The following SLC16A12 variants were observed in gnomAD, a reference collection of about 807,000 sequenced individuals.
SLC16A12 encodes the protein monocarboxylate transporter 12.
A neutral mutation model predicts 42.4 loss-of-function variants in SLC16A12; 17 were observed. The observed-to-expected ratio is 0.40, with a 90% CI of 0.27 to 0.60. The LOEUF is 0.60. Ranked by LOEUF, SLC16A12 falls within the 20% of genes least tolerant of loss-of-function variation. The probability of loss-of-function intolerance (pLI) is 0.42; values close to 1 mark genes in which losing one functional copy is unlikely to be tolerated. For synonymous variants in SLC16A12, 224 were observed against 229.4 expected (o/e 0.98, Z 0.21); for missense variants, 544 against 623.0 (o/e 0.87, Z 1.35).
chr10:89,550,940 T>C (rs1843766937), intron 2 of SLC16A12, among the ~76,000 whole-genome samples: 1 of 152,220 alleles, frequency 6.6e-6, no homozygotes, highest in African/African-American at 2.4e-5. Flanking sequence ...TCCATCATGT[T>C]TACCATTGTA....
intron 3 of SLC16A12, among the ~76,000 whole-genome samples, chr10:89,447,024 A>T (rs1842015302): frequency 6.6e-6 from 1 of 152,210 alleles, no homozygotes; most frequent in African/African-American, 2.4e-5. Flanking sequence ...GCCATTACAT[A>T]ATGGTAAAGG....
chr10:89,501,825 A>G (rs1478919738), intron 2 of SLC16A12, among the ~76,000 whole-genome samples: 1 of 152,132 alleles, frequency 6.6e-6, no homozygotes, highest in Non-Finnish European at 1.5e-5. Flanking sequence ...AAGTTGTCTC[A>G]TTTGCTCATT....
At chr10:89,512,815 C>A (rs775772169) in intron 2 of SLC16A12, among the ~76,000 whole-genome samples, 2 of 152,136 alleles carry the variant, frequency 1.3e-5, no homozygotes, top group Non-Finnish European at 2.9e-5. Flanking sequence ...GGGGTTGGAA[C>A]CTCTGATTTA....
intron 2 of SLC16A12, chr10:89,467,908 T>A (rs1274015293): frequency 6.6e-6 from 1 of 152,200 alleles, no homozygotes; most frequent in Admixed American, 6.5e-5. Context: ...AGAGGACACA[T>A]TGTAGGCAAC....
chr10:89,445,612 A>G (rs1456516413), intron 3 of SLC16A12, among the ~76,000 whole-genome samples: 2 of 152,204 alleles, frequency 1.3e-5, no homozygotes, highest in African/African-American at 4.8e-5. Context: ...CACTAACATC[A>G]AAGACCAAAG....
Position 89,473,070 on chromosome 10 carries a change from C to T in SLC16A12, c.-46-10446G>A, listed in dbSNP as rs111564409. On this transcript the variant is annotated intron_variant, in intron 2 of 7. Transcript: ENST00000371790. Reference sequence around the variant, plus strand: ...TTGGGCTCAAGCGATTCTCCTGCTTCGGCCTCCCAAAGTGCTGGGATTACA... The same window carrying T: ...TTGGGCTCAAGCGATTCTCCTGCTTTGGCCTCCCAAAGTGCTGGGATTACA... Among the ~76,000 whole-genome samples the T allele has an allele frequency of 6.6e-3, 985 of 149,970 alleles. 10 individuals carry two copies. The highest frequency in any genetic ancestry group is 0.022 in the African/African-American group (913 of 40,890).
At chr10:89,506,022 A>T (rs1370120845) in intron 2 of SLC16A12, among the ~76,000 whole-genome samples, 1 of 152,206 alleles carries the variant, frequency 6.6e-6, no homozygotes, top group Admixed American at 6.5e-5. Context: ...CTGTCTCTCT[A>T]GATTCCACCT....
At chr10:89,469,245 C>T (rs1486475322) in intron 2 of SLC16A12, among the ~76,000 whole-genome samples, 6 of 152,256 alleles carry the variant, frequency 3.9e-5, no homozygotes, top group Middle Eastern at 3.4e-3. Flanking sequence ...ATTCTAGCTT[C>T]GGAAAAATTT....
chr10:89,439,503 A>G lies in SLC16A12; in HGVS notation c.449-320T>C, dbSNP rs556824450. Among the ~76,000 whole-genome samples the G allele has an allele frequency of 2.8e-3, 428 of 152,320 alleles. 2 individuals carry two copies. Among genetic ancestry groups the G allele is most frequent in the African/African-American group, 9.9e-3 (410 of 41,566 alleles). On this transcript the variant is annotated intron_variant, in intron 5 of 7. Transcript: ENST00000371790. ...AAATCTGGATAATGCCAACCAAAGAAACTTATCACTTCCTCCATTTTTTAA... is the reference window on the plus strand; with the variant it reads ...AAATCTGGATAATGCCAACCAAAGAGACTTATCACTTCCTCCATTTTTTAA...
At chr10:89,436,888 G>GAAAGAAAGAA (rs1446064958) in intron 6 of SLC16A12, among the ~76,000 whole-genome samples, 2 of 146,408 alleles carry the variant, frequency 1.4e-5, no homozygotes, top group Non-Finnish European at 3.0e-5. Flanking sequence ...AAGAAAGAAA[G>GAAAGAAAGAA]AAAGAAAGAA....
intron 2 of SLC16A12, among the ~76,000 whole-genome samples, chr10:89,495,849 A>G (rs922269020): frequency 2.6e-5 from 4 of 152,210 alleles, no homozygotes; most frequent in African/African-American, 9.6e-5. Context: ...CACTAGCTCA[A>G]AAAAAGATCA....
chr10:89,436,865 A>AG (rs1841799096), intron 6 of SLC16A12, among the ~76,000 whole-genome samples: 1 of 101,420 alleles, frequency 9.9e-6, no homozygotes, highest in African/African-American at 3.8e-5. Context: ...AAAGAAATAA[A>AG]GAAAAAGAAA....
chr10:89,454,297 T>C (rs1193813537), intron 3 of SLC16A12, among the ~76,000 whole-genome samples: 1 of 151,976 alleles, frequency 6.6e-6, no homozygotes, highest in Non-Finnish European at 1.5e-5. Context: ...CATAAGTCAC[T>C]ATCTCATATA....
chr10:89,447,452 C>G (rs927950891), intron 3 of SLC16A12, among the ~76,000 whole-genome samples: 1 of 152,238 alleles, frequency 6.6e-6, no homozygotes, highest in Non-Finnish European at 1.5e-5. Flanking sequence ...GATTAAGAAA[C>G]TCACTCAAAA....
upstream of SLC16A12, among the ~76,000 whole-genome samples, chr10:89,538,483 A>T (rs538314233): frequency 1.3e-5 from 2 of 152,336 alleles, no homozygotes; most frequent in African/African-American, 2.4e-5. Flanking sequence ...AATGTCTACC[A>T]TACTGGATAG....
intron 2 of SLC16A12, among the ~76,000 whole-genome samples, chr10:89,529,025 TG>T (rs1406100159): frequency 6.6e-6 from 1 of 152,250 alleles, no homozygotes; most frequent in African/African-American, 2.4e-5. Flanking sequence ...TTAATAATGA[TG>T]ATTAAGGCTG....
intron 2 of SLC16A12, among the ~76,000 whole-genome samples, chr10:89,502,768 C>A (rs1162686344): frequency 6.6e-6 from 1 of 152,170 alleles, no homozygotes; most frequent in Non-Finnish European, 1.5e-5. Flanking sequence ...TATTGGTTGT[C>A]AGAGATTGAA....
At chr10:89,487,150 C>T (rs914782167) in intron 2 of SLC16A12, among the ~76,000 whole-genome samples, 1 of 152,210 alleles carries the variant, frequency 6.6e-6, no homozygotes, top group African/African-American at 2.4e-5. Context: ...TGAACACAAC[C>T]ATCCTGAGGC....
intron 2 of SLC16A12, among the ~76,000 whole-genome samples, chr10:89,468,634 G>A (rs573645068): frequency 8.7e-4 from 132 of 152,256 alleles, no homozygotes; most frequent in Non-Finnish European, 1.1e-3. Flanking sequence ...ACAAAACAAC[G>A]CATGTGAGTT....
Sources: gnomAD v4.1 joint callset for allele counts (sites outside exome capture counted in the v4.1 genomes callset) on GRCh38, gnomAD v4.1.1 for gene constraint, MANE v1.5 for transcripts, NCBI Gene and HGNC (gene_info 2026-07-23, HGNC 2026-07-21) for gene names.